SEC24C: variants seen among roughly 807,000 people sequenced by gnomAD.
SEC24C encodes protein transport protein Sec24C.
SEC24C carries 22 observed loss-of-function variants against 117.0 expected under a neutral mutation model. The ratio of observed to expected loss-of-function variants is 0.19; its 90% CI spans 0.13 to 0.27. SEC24C has a LOEUF of 0.27. Ranked by LOEUF, SEC24C falls within the 10% of genes least tolerant of loss-of-function variation. The probability of loss-of-function intolerance (pLI) is 1.00; values close to 1 mark genes in which losing one functional copy is unlikely to be tolerated. For missense variants in SEC24C, 1,155 were observed against 1,375.1 expected (o/e 0.84, Z 2.53); for synonymous variants, 506 against 529.4 (o/e 0.96, Z 0.61).
chr10:73,760,717 C>T lies in SEC24C; in HGVS notation c.855C>T (p.Ser285=). Residue 285 remains serine (S), a synonymous_variant, in exon 6 of 23, where the codon TCC becomes TCT. Transcript: ENST00000345254. ...AACCTTGTGTCCTTGTCTCAGGTTC[C>T]TTCGGACCAGCCCGGGGCCCTCAGT... ...QPGYQPQQNG[S]FGPARGPQSN... 1 of 1,593,572 alleles carries T rather than the reference C, an allele frequency of 6.3e-7. No homozygotes were observed. The highest frequency in any genetic ancestry group is 1.1e-5 in the South Asian group (1 of 88,254).
At chr10:73,770,102 A>C in intron 20 of SEC24C, 87 bp downstream of exon 20, 1 of 1,341,138 alleles carries the variant, frequency 7.5e-7, no homozygotes, top group Non-Finnish European at 1.0e-6. Flanking sequence ...TCAGTCAGAC[A>C]CTAGTGGAAT....
chr10:73,766,089 A>G lies in SEC24C; in HGVS notation c.1486A>G (p.Asn496Asp), dbSNP rs747747931. 1.9e-5 allele frequency: 31 copies of G among 1,612,658 alleles called. No homozygotes were observed. In the Middle Eastern group the frequency reaches 8.3e-4, roughly 43 times the overall value. ...FLATVDYCKN[N>D]KFPSPPAFIF... ...CCAACATTTTCTTCCTCTGCAGAAC[A>G]ATAAGTTCCCCAGCCCTCCTGCCTT... The change falls in exon 11 of 23, where the codon AAT (asparagine) becomes GAT (aspartate). Residue 496 changes from asparagine to aspartate, a missense_variant. Physicochemically the swap from Asn to Asp is conservative, Grantham distance 23 (BLOSUM62 1). This residue lies in a region of SEC24C where 759 missense variants were observed against 992.3 expected (regional missense o/e 0.76). Coordinates refer to ENST00000345254, the MANE Select transcript of SEC24C (RefSeq NM_198597.3).
chr10:73,751,387 C>T, intron 3 of SEC24C, 144 bp downstream of exon 3: 1 of 710,802 alleles, frequency 1.4e-6, no homozygotes. Context: ...ATGGCAAAAC[C>T]CCATCTCTTT....
At chr10:73,751,320 G>T in intron 3 of SEC24C, 77 bp downstream of exon 3, 2 of 1,436,810 alleles carry the variant, frequency 1.4e-6, no homozygotes, top group Non-Finnish European at 1.9e-6. Context: ...CAGCACTTTG[G>T]GAGGCTGAGG....
intron 3 of SEC24C, among the ~76,000 whole-genome samples, chr10:73,756,976 C>T (rs2082719095): frequency 7.3e-6 from 1 of 137,738 alleles, no homozygotes; most frequent in African/African-American, 2.8e-5. Flanking sequence ...AGTGGTGTGA[C>T]CTTGGCTCAC....
At chr10:73,759,055 G>T (rs757747034) in intron 3 of SEC24C, among the ~76,000 whole-genome samples, 1 of 152,176 alleles carries the variant, frequency 6.6e-6, no homozygotes, top group Non-Finnish European at 1.5e-5. Flanking sequence ...AACTAGCCAC[G>T]CATGGTGGCG....
intron 7 of SEC24C, 115 bp from the exon 8 acceptor site, chr10:73,763,741 G>GA: frequency 8.7e-7 from 1 of 1,152,776 alleles, no homozygotes; most frequent in Non-Finnish European, 1.2e-6. Flanking sequence ...CCCTCTGGGG[G>GA]AAAAAGCCAC....
In SEC24C at chr10:73,769,484, T is replaced by G; in HGVS notation, c.2562T>G (p.Phe854Leu). 1 of 1,614,022 alleles carries G rather than the reference T, an allele frequency of 6.2e-7. No individual in the cohort carries two copies. The highest frequency in any genetic ancestry group is 8.5e-7 in the Non-Finnish European group (1 of 1,179,980). ...CGCTCATCAACTACATGGCCAAGTTTGGTGAGGGTAGAAGCAGGGCAGGGT... is the reference window on the plus strand; with the variant it reads ...CGCTCATCAACTACATGGCCAAGTTGGGTGAGGGTAGAAGCAGGGCAGGGT... The part of the protein sequence containing the change: ...TDTLINYMAK[F>L]AYRGVLNSPV... The change falls in exon 18 of 23, where the codon TTT becomes TTG. Residue 854 changes from phenylalanine (F) to leucine (L), a missense_variant and splice_region_variant. Physicochemically the swap from Phe to Leu is conservative, Grantham distance 22. Transcript: ENST00000345254. The surrounding 1 kb of genome is among the most constrained non-coding windows in gnomAD (Gnocchi z 4.5).
intron 6 of SEC24C, among the ~76,000 whole-genome samples, chr10:73,762,484 G>A (rs545109290): frequency 1.8e-4 from 28 of 152,298 alleles, no homozygotes; most frequent in African/African-American, 6.7e-4. Context: ...GGTGATGTAT[G>A]ATGGAAGAGG....
chr10:73,751,009 G>A, intron 2 of SEC24C, 99 bp from the exon 3 acceptor site: 1 of 1,341,104 alleles, frequency 7.5e-7, no homozygotes, highest in South Asian at 1.3e-5. Context: ...TATTGGGCCA[G>A]TGAAGGTCTG....
chr10:73,754,615 T>C lies in SEC24C; in HGVS notation c.308+3372T>C, dbSNP rs986842628. On this transcript the variant is annotated intron_variant, in intron 3 of 22. Transcript: ENST00000345254. ...AGGCTCAAGTCCCTCATATAAACTC[T>C]ATTCAAGTAGAGATGTTAGGTAGGC... Among the ~76,000 whole-genome samples, 9 of 152,250 alleles carry C rather than the reference T, an allele frequency of 5.9e-5. No individual in the cohort carries two copies. The East Asian group carries it at 1.7e-3, about 29-fold the overall frequency.
intron 15 of SEC24C, 100 bp downstream of exon 15, chr10:73,768,107 G>C: frequency 8.6e-7 from 1 of 1,157,006 alleles, no homozygotes. Context: ...GTTGGGGCCA[G>C]GCACGGTGCC....
At chr10:73,758,606 C>T (rs2082748443) in intron 3 of SEC24C, among the ~76,000 whole-genome samples, 1 of 152,228 alleles carries the variant, frequency 6.6e-6, no homozygotes, top group East Asian at 1.9e-4. Context: ...GATCTACTTT[C>T]TGTCTCTAAA....
intron 21 of SEC24C, 111 bp downstream of exon 21, chr10:73,770,582 G>C: frequency 6.7e-7 from 1 of 1,499,246 alleles, no homozygotes; most frequent in Non-Finnish European, 9.3e-7. Flanking sequence ...GAACACTTGG[G>C]GACAAGGGCA....
intron 3 of SEC24C, among the ~76,000 whole-genome samples, chr10:73,756,389 A>G (rs1445559387): frequency 6.6e-6 from 1 of 152,104 alleles, no homozygotes; most frequent in African/African-American, 2.4e-5. Context: ...TGCACGCTGG[A>G]AAGGGGAGAT....
rs370640033 is a variant in SEC24C, at chr10:73,767,141, A to C, written c.1981A>C (p.Arg661=). 4.3e-6 allele frequency: 7 copies of C among 1,613,576 alleles called. No homozygotes were observed. The African/African-American group carries it at 9.3e-5, about 22-fold the overall frequency. The part of the protein sequence containing the change: ...APGKLKNRDD[R]KLINTDKEKT... ...AGGGAAACTGAAGAACAGAGATGAC[A>C]GGAAGCTGATCAATACAGACAAGGA... Residue 661 remains arginine (R), a synonymous_variant, in exon 14 of 23, where the codon AGG becomes CGG. Transcript: ENST00000345254.
chr10:73,769,099 G>T lies in SEC24C; in HGVS notation c.2371G>T (p.Val791Leu), dbSNP rs144592679. ...GCTAGATGGGGACAAAACAGTGACT[G>T]TGGAGTTCAAGCATGACGATCGGCT... Reference protein sequence around the residue: ...AGLDGDKTVTVEFKHDDRLNE... With the variant: ...AGLDGDKTVTLEFKHDDRLNE... The change falls in exon 17 of 23, where the codon GTG becomes TTG. Residue 791 changes from valine to leucine, a missense_variant. Physicochemically the swap from Val to Leu is conservative, Grantham distance 32 (BLOSUM62 1). Transcript: ENST00000345254. The surrounding 1 kb of genome is among the most constrained non-coding windows in gnomAD (Gnocchi z 4.5). The T allele has an allele frequency of 2.4e-4, 383 of 1,614,120 alleles. No individual in the cohort carries two copies. Among genetic ancestry groups the T allele is most frequent in the Non-Finnish European group, 2.9e-4 (343 of 1,180,050 alleles).
Position 73,766,332 on chromosome 10 carries a change from C to CAATGT in SEC24C, c.1608-17_1608-13dup, listed in dbSNP as rs757302923. 1 of 1,590,490 alleles carries CAATGT rather than the reference C, an allele frequency of 6.3e-7. No individual in the cohort carries two copies. The highest frequency in any genetic ancestry group is 8.6e-7 in the Non-Finnish European group (1 of 1,165,988). ...TGGAAAAGGTGGCAAGTCTAGGTAA[C>CAATGT]AATGTCACCTTCTACAGGGAGGGTG... On this transcript the variant is annotated splice_polypyrimidine_tract_variant and intron_variant, in intron 11 of 22. Transcript: ENST00000345254.
chr10:73,749,744 A>G (rs192938233), intron 2 of SEC24C, among the ~76,000 whole-genome samples: 3 of 152,010 alleles, frequency 2.0e-5, no homozygotes, highest in African/African-American at 7.2e-5. Flanking sequence ...GGGTTTCACC[A>G]TGTTGGCCAG....
Sources: gnomAD v4.1 joint callset for allele counts (sites outside exome capture counted in the v4.1 genomes callset) on GRCh38, gnomAD v4.1.1 for gene constraint, gnomAD v4.1.1 regional missense constraint, Gnocchi (gnomAD v3.1) non-coding constraint, MANE v1.5 for transcripts, NCBI Gene and HGNC (gene_info 2026-07-23, HGNC 2026-07-21) for gene names.